IL17B: variants seen among roughly 807,000 people sequenced by gnomAD.
The protein encoded by IL17B is interleukin-17B.
IL17B carries 14 observed loss-of-function variants against 14.7 expected under a neutral mutation model. That is an observed-to-expected ratio of 0.95 (90% CI 0.63 to 1.49). The LOEUF is 1.49. Among genes scored for constraint, IL17B ranks in the 40% most tolerant of loss-of-function variants. The probability of loss-of-function intolerance (pLI) is 0.00; values close to 1 mark genes in which losing one functional copy is unlikely to be tolerated. For missense variants in IL17B, 233 were observed against 252.8 expected (o/e 0.92, Z 0.53); for synonymous variants, 105 against 94.8 (o/e 1.11, Z -0.62).
intron 2 of IL17B, among the ~76,000 whole-genome samples, chr5:149,375,486 G>C (rs989892804): frequency 2.0e-5 from 3 of 152,176 alleles, no homozygotes. Flanking sequence ...TGATTCATTG[G>C]CACAATCAGA....
Position 149,394,419 on chromosome 5 carries a change from C to T in IL17B, n.95+9689G>A, listed in dbSNP as rs138234130. Among the ~76,000 whole-genome samples the T allele has an allele frequency of 1.8e-4, 27 of 152,312 alleles. No homozygotes were observed. The East Asian group carries it at 4.6e-3, about 26-fold the overall frequency. ...TGAGAAATTTTATCTTTCACAAATG[C>T]ACATGTACAAAAAGGACTTCTCTTC... On this transcript the variant is annotated intron_variant and non_coding_transcript_variant, in intron 1 of 2. Coordinates refer to the IL17B transcript ENST00000505432.
In IL17B at chr5:149,377,086, T is replaced by G. The variant is rs138460638; in HGVS notation, c.22-61A>C. ...CCAAGTCTCTATCTGGGCCAAGACT[T>G]GGGGTCCATGGTCCTTTCCCATTGC... is the stretch of plus-strand genomic sequence containing the variant. On this transcript the variant is annotated intron_variant, in intron 1 of 2. Coordinates refer to ENST00000261796, the MANE Select transcript of IL17B (RefSeq NM_014443.3). The G allele has an allele frequency of 3.1e-4, 437 of 1,405,310 alleles. 5 individuals are homozygous for G. In the African/African-American group the frequency reaches 5.7e-3, roughly 18 times the overall value. 87.1% of individuals were successfully genotyped at this position (1,405,310 alleles called of 1,614,324 possible).
intron 1 of IL17B, among the ~76,000 whole-genome samples, chr5:149,403,071 T>C (rs138682023): frequency 5.6e-5 from 2 of 35,958 alleles, no homozygotes; most frequent in Non-Finnish European, 1.3e-4. Flanking sequence ...TTGTTCTGTT[T>C]TGTTTTGTTT....
At chr5:149,383,406 G>A (rs1758749692), upstream of IL17B, among the ~76,000 whole-genome samples, 4 of 152,186 alleles carry the variant, frequency 2.6e-5, no homozygotes, top group African/African-American at 4.8e-5. Flanking sequence ...AAGGCCAGGG[G>A]GACCTGAAGG....
At chr5:149,401,982 T>C (rs895723021) in intron 1 of IL17B, among the ~76,000 whole-genome samples, 24 of 152,150 alleles carry the variant, frequency 1.6e-4, no homozygotes, top group Non-Finnish European at 7.3e-5. Flanking sequence ...CAGGGTGCAA[T>C]TAGTGTGGCC....
chr5:149,374,564 CA>C lies in IL17B; in HGVS notation c.347del (p.Leu116ArgfsTer12). 4 of 1,612,892 alleles carry C rather than the reference CA, an allele frequency of 2.5e-6. No homozygotes were observed. Among genetic ancestry groups the C allele is most frequent in the Non-Finnish European group, 3.4e-6 (4 of 1,179,640 alleles). On this transcript the variant is annotated frameshift_variant, in exon 3 of 3. Transcript: ENST00000261796. LOFTEE classifies it high-confidence loss of function. The surrounding 1 kb of genome is among the most constrained non-coding windows in gnomAD (Gnocchi z 5.0). Reference sequence around the variant, plus strand: ...CCAGACACAGGCACCGTGCCTCCGGCAGGTCCACGGGGATACGGCTGGGGTC... The same window carrying C: ...CCAGACACAGGCACCGTGCCTCCGGCGGTCCACGGGGATACGGCTGGGGTC... ...NHDPSRIPVDLPEARCLCLGC... is the reference protein window; with the variant it reads ...NHDPSRIPVDXPEARCLCLGC...
chr5:149,389,257 T>C (rs560338575), intron 1 of IL17B, among the ~76,000 whole-genome samples: 2 of 152,356 alleles, frequency 1.3e-5, no homozygotes, highest in South Asian at 4.1e-4. Context: ...CAGAAAAAGG[T>C]CTATGTGTCT....
intron 1 of IL17B, among the ~76,000 whole-genome samples, chr5:149,385,908 C>A (rs894913280): frequency 6.6e-6 from 1 of 152,144 alleles, no homozygotes; most frequent in Non-Finnish European, 1.5e-5. Flanking sequence ...TCTGTGGGGA[C>A]GTGAGAAGAA....
chr5:149,382,368 T>C (rs1399397933), upstream of IL17B, among the ~76,000 whole-genome samples: 2 of 152,112 alleles, frequency 1.3e-5, no homozygotes, highest in Non-Finnish European at 2.9e-5. Flanking sequence ...TGATTGCCTT[T>C]ACTTTGAGCA....
chr5:149,377,067 CTCTA>C (rs774562021), intron 1 of IL17B, 42 bp from the exon 2 acceptor site: 21 of 1,498,828 alleles, frequency 1.4e-5, no homozygotes, highest in Non-Finnish European at 1.7e-5. Flanking sequence ...AGAGCCAAGT[CTCTA>C]TCTGGGCCAA....
chr5:149,399,622 T>G (rs1759169303), intron 1 of IL17B, among the ~76,000 whole-genome samples: 1 of 152,164 alleles, frequency 6.6e-6, no homozygotes, highest in South Asian at 2.1e-4. Flanking sequence ...CTGTGAACAC[T>G]GCTGTGTTTG....
intron 1 of IL17B, among the ~76,000 whole-genome samples, chr5:149,390,131 T>C (rs1161607909): frequency 6.6e-6 from 1 of 151,928 alleles, no homozygotes; most frequent in Admixed American, 6.6e-5. Flanking sequence ...TATGAATTTG[T>C]TCTACAGGAG....
upstream of IL17B, chr5:149,379,317 A>T: frequency 1.3e-6 from 2 of 1,495,444 alleles, no homozygotes; most frequent in Non-Finnish European, 1.8e-6. Context: ...GGAGCGAAGC[A>T]ATTATAGCTC....
chr5:149,395,845 G>T (rs1014816476), intron 1 of IL17B, among the ~76,000 whole-genome samples: 6 of 152,048 alleles, frequency 3.9e-5, no homozygotes, highest in Non-Finnish European at 8.8e-5. Context: ...GCTAATTTTT[G>T]TATTTTTACT....
intron 1 of IL17B, among the ~76,000 whole-genome samples, chr5:149,401,346 A>C (rs559617364): frequency 6.6e-6 from 1 of 152,352 alleles, no homozygotes; most frequent in East Asian, 1.9e-4. Context: ...TCAATTTTTC[A>C]CAGTTGCCAT....
intron 1 of IL17B, among the ~76,000 whole-genome samples, chr5:149,390,135 A>G (rs1457898421): frequency 6.6e-6 from 1 of 151,874 alleles, no homozygotes; most frequent in Non-Finnish European, 1.5e-5. Flanking sequence ...AATTTGTTCT[A>G]CAGGAGGCAG....
At chr5:149,399,487 CT>C (rs33989202) in intron 1 of IL17B, among the ~76,000 whole-genome samples, 5 of 151,344 alleles carry the variant, frequency 3.3e-5, no homozygotes, top group Non-Finnish European at 5.9e-5. Flanking sequence ...AGACAATTAT[CT>C]TTTTTTTTAA....
intron 1 of IL17B, among the ~76,000 whole-genome samples, chr5:149,403,163 T>C (rs1759249390): frequency 6.6e-6 from 1 of 152,110 alleles, no homozygotes; most frequent in Non-Finnish European, 1.5e-5. Context: ...CGGCTTACTG[T>C]AGCCTCTGCC....
At chr5:149,379,436 G>T (rs59460732), upstream of IL17B, among the ~76,000 whole-genome samples, 823 of 152,304 alleles carry the variant, frequency 5.4e-3, 12 homozygotes, top group African/African-American at 0.019. Context: ...GGGCGTGGGG[G>T]CAGGCCAGGA....
Sources: gnomAD v4.1 joint callset for allele counts (sites outside exome capture counted in the v4.1 genomes callset) on GRCh38, gnomAD v4.1.1 for gene constraint, Gnocchi (gnomAD v3.1) non-coding constraint, MANE v1.5 for transcripts, NCBI Gene and HGNC (gene_info 2026-07-23, HGNC 2026-07-21) for gene names.